ASB1: variants seen among roughly 807,000 people sequenced by gnomAD.
ASB1 encodes the protein ankyrin repeat and SOCS box containing 1.
ASB1 carries 18 observed loss-of-function variants against 27.7 expected under a neutral mutation model. That is an observed-to-expected ratio of 0.65 (90% confidence interval 0.45 to 0.96). The LOEUF (loss-of-function observed/expected upper bound fraction) is 0.96, where lower values mean the gene tolerates loss of function less well. Ranked by LOEUF, ASB1 falls within the 50% of genes least tolerant of loss-of-function variation. ASB1 has a pLI of 0.00. For missense variants in ASB1, 397 were observed against 451.7 expected (o/e 0.88, Z 1.10); for synonymous variants, 189 against 187.6 (o/e 1.01, Z -0.06).
At chr2:238,436,137 A>G (rs2106405334) in intron 3 of ASB1, 124 bp downstream of exon 3, 1 of 884,364 alleles carries the variant, frequency 1.1e-6, no homozygotes, top group African/African-American at 1.7e-5. Context: ...GGCCTTTGTA[A>G]AGAGCTGCCT....
chr2:238,435,571 C>G, intron 2 of ASB1, 140 bp from the exon 3 acceptor site: 1 of 849,750 alleles, frequency 1.2e-6, no homozygotes, highest in Non-Finnish European at 1.8e-6. Flanking sequence ...GGTGTGAGAG[C>G]ATTTCAGAAG....
chr2:238,432,753 CTTT>C (rs886702156), intron 1 of ASB1, among the ~76,000 whole-genome samples: 1 of 145,476 alleles, frequency 6.9e-6, no homozygotes. Flanking sequence ...TTTTCTTTTT[CTTT>C]TTTTTTTTGA....
At chr2:238,434,373 G>C (rs996413294) in intron 2 of ASB1, among the ~76,000 whole-genome samples, 1 of 152,178 alleles carries the variant, frequency 6.6e-6, no homozygotes, top group East Asian at 1.9e-4. Context: ...CGGGTCTAAG[G>C]TTGCAGTCCC....
At position 238,443,754 on chromosome 2, in the gene ASB1, T is replaced by TTC. The variant is rs397706882; in HGVS notation, c.495-588_495-587insTC. Among the ~76,000 whole-genome samples the TTC allele has an allele frequency of 2.6e-5, 4 of 152,144 alleles. 1 individual carries two copies. The South Asian group carries it at 6.2e-4, about 24-fold the overall frequency. ...TCATATGCCCACCTTTTTTTTTTTTTCTGCATCTGCAGAGATAATCAGAGG... is the reference window on the plus strand; with the variant it reads ...TCATATGCCCACCTTTTTTTTTTTTTTCCTGCATCTGCAGAGATAATCAGAGG... On this transcript the variant is annotated intron_variant, in intron 3 of 4. Transcript: ENST00000264607.
chr2:238,433,314 C>G, intron 1 of ASB1: 1 of 430,474 alleles, frequency 2.3e-6, no homozygotes. Flanking sequence ...TTTTTACAGA[C>G]AGGGTATTGC....
In ASB1 at chr2:238,435,767, G is replaced by A. The variant is rs780761258; in HGVS notation, c.248G>A (p.Arg83Gln). 4 of 1,614,062 alleles carry A rather than the reference G, an allele frequency of 2.5e-6. No individual in the cohort carries two copies. The highest frequency in any genetic ancestry group is 1.7e-5 in the Admixed American group (1 of 60,024). Residue 83 changes from arginine (R) to glutamine (Q), a missense_variant, in exon 3 of 5, where the codon CGA becomes CAA. Arg to Gln is a conservative substitution (Grantham distance 43). Transcript: ENST00000264607. ...CCGWLPCTPL[R>Q]IAATAGHGSC... is the part of the protein sequence containing the mutation. The stretch of plus-strand genomic sequence containing the variant: ...GGCTGGCTCCCCTGCACACCGTTGC[G>A]AATCGCGGCCACTGCAGGCCATGGG...
chr2:238,449,185 C>T lies in ASB1; in HGVS notation c.*2674C>T, dbSNP rs1702233743. 1 of 152,354 alleles carries T rather than the reference C, an allele frequency of 6.6e-6. No individual in the cohort carries two copies. The highest frequency in any genetic ancestry group is 1.5e-5 in the Non-Finnish European group (1 of 68,040). The allele number at this position is 152,354 out of a possible 1,614,324, so 9.4% of individuals were successfully genotyped here. A position where few individuals can be genotyped will look rare whatever the true frequency, so the allele number is the denominator to read the frequency against. Reference sequence around the variant, plus strand: ...TTCCTCCTGGGTTTTAGTGGCATTGCCTTCCTTCACTAAAGCTCCCTTTTT... The same window carrying T: ...TTCCTCCTGGGTTTTAGTGGCATTGTCTTCCTTCACTAAAGCTCCCTTTTT... On this transcript the variant is annotated 3_prime_UTR_variant, in exon 5 of 5. Coordinates refer to ENST00000264607, the MANE Select transcript of ASB1 (RefSeq NM_001040445.3).
intron 2 of ASB1, among the ~76,000 whole-genome samples, chr2:238,433,927 G>C (rs934342111): frequency 1.3e-5 from 2 of 152,144 alleles, no homozygotes; most frequent in African/African-American, 4.8e-5. Context: ...ATTAACCTTA[G>C]TGTTTTCTGG....
intron 3 of ASB1, among the ~76,000 whole-genome samples, chr2:238,436,484 AATT>A (rs200285549): frequency 2.6e-5 from 4 of 151,902 alleles, no homozygotes; most frequent in African/African-American, 7.3e-5. Context: ...GACGTAAAAA[AATT>A]ATTATTATTA....
At position 238,433,576 on chromosome 2, in the gene ASB1, G is replaced by A; in HGVS notation, c.72G>A (p.Leu24=). The change falls in exon 2 of 5, where the codon CTG becomes CTA. Residue 24 remains leucine (L), a synonymous_variant. Coordinates refer to ENST00000264607, the MANE Select transcript of ASB1 (RefSeq NM_001040445.3). ...GSAGRNLKEW[L]REQFCDHPLE... is the part of the protein sequence containing the mutation. ...CAGGTCGTAATCTGAAGGAGTGGCT[G>A]AGGGAGCAATTTTGTGATCATCCGC... The A allele has an allele frequency of 6.2e-7, 1 of 1,614,190 alleles. No homozygotes were observed. Among genetic ancestry groups the A allele is most frequent in the Non-Finnish European group, 8.5e-7 (1 of 1,180,030 alleles).
rs1030139488 is a variant in ASB1, at chr2:238,448,576, T to A, written c.*2065T>A. On this transcript the variant is annotated 3_prime_UTR_variant, in exon 5 of 5. Transcript: ENST00000264607. ...GCCATGTTGTAGACACATGATACGC[T>A]CTGCGTCTGCTCTACTGAGTACTTT... is the stretch of plus-strand genomic sequence containing the variant. 2.8e-4 allele frequency: 42 copies of A among 152,220 alleles called. No individual in the cohort carries two copies. The highest frequency in any genetic ancestry group is 7.5e-4 in the African/African-American group (31 of 41,456). 9.4% of individuals were successfully genotyped at this position (152,220 alleles called of 1,614,324 possible).
chr2:238,442,445 C>T lies in ASB1; in HGVS notation c.495-1897C>T, dbSNP rs1379427260. 2.0e-5 allele frequency among the ~76,000 whole-genome samples: 3 copies of T among 152,166 alleles called. No individual in the cohort carries two copies. The East Asian group carries it at 5.8e-4, about 29-fold the overall frequency. ...CTAATTTTTCTGTAGGGCTATTGAT[C>T]TTTTTCTTCTAGAAGCTCTTTATAC... On this transcript the variant is annotated intron_variant, in intron 3 of 4. Transcript: ENST00000264607.
In ASB1 at chr2:238,426,975, C is replaced by T; in HGVS notation, c.-96C>T. 9.9e-6 allele frequency: 10 copies of T among 1,008,478 alleles called. No homozygotes were observed. Among genetic ancestry groups the T allele is most frequent in the Non-Finnish European group, 1.3e-5 (10 of 786,798 alleles). 62.5% of individuals were successfully genotyped at this position (1,008,478 alleles called of 1,614,324 possible). ...GGAAGCCGCGACCCCGACGCGCCCC[C>T]CATTGCCCTCGGCGCCGGAAGTGGT... On this transcript the variant is annotated 5_prime_UTR_variant, in exon 1 of 5. Coordinates refer to ENST00000264607, the MANE Select transcript of ASB1 (RefSeq NM_001040445.3).
intron 1 of ASB1, among the ~76,000 whole-genome samples, chr2:238,430,885 C>T (rs1018511415): frequency 5.9e-5 from 9 of 152,218 alleles, no homozygotes; most frequent in African/African-American, 2.2e-4. Context: ...CAACATTGGG[C>T]TGAAAATATT....
rs549466759 is a variant in ASB1 at position 238,442,797 on chromosome 2, C to T, written c.495-1545C>T. Reference sequence around the variant, plus strand: ...TTACCCCAAAAAACACTTAGTAAAACATCTACACCCTCCCTTGTTTGAGAT... The same window carrying T: ...TTACCCCAAAAAACACTTAGTAAAATATCTACACCCTCCCTTGTTTGAGAT... On this transcript the variant is annotated intron_variant, in intron 3 of 4. Transcript: ENST00000264607. Among the ~76,000 whole-genome samples, 6 of 151,864 alleles carry T rather than the reference C, an allele frequency of 4.0e-5. No individual in the cohort carries two copies. In the East Asian group the frequency reaches 1.2e-3, roughly 29 times the overall value.
intron 3 of ASB1, among the ~76,000 whole-genome samples, chr2:238,441,687 G>A (rs945497794): frequency 2.3e-4 from 35 of 152,206 alleles, no homozygotes; most frequent in Admixed American, 2.2e-3. Flanking sequence ...ACAGCGTGGC[G>A]TTGTGCAGAT....
intron 3 of ASB1, among the ~76,000 whole-genome samples, chr2:238,439,487 T>G (rs1575005567): frequency 6.6e-6 from 1 of 152,158 alleles, no homozygotes. Context: ...GCGCTGTGAT[T>G]GCGGCATGGA....
rs749333203 is a variant in ASB1, at chr2:238,446,448, G to A, written c.945G>A (p.Arg315=). 7.4e-5 allele frequency: 120 copies of A among 1,613,988 alleles called. 1 individual carries two copies. Among genetic ancestry groups the A allele is most frequent in the Non-Finnish European group, 9.9e-5 (117 of 1,180,012 alleles). Residue 315 remains arginine (R), a synonymous_variant, in exon 5 of 5, where the codon CGG becomes CGA. Coordinates refer to ENST00000264607, the MANE Select transcript of ASB1 (RefSeq NM_001040445.3). ...VAVRRALGKH[R]LHLIPSLPLP... is the part of the protein sequence containing the mutation. ...TGAGAAGAGCTCTTGGCAAACACCGGCTTCATCTGATTCCTTCGCTGCCTC... is the reference window on the plus strand; with the variant it reads ...TGAGAAGAGCTCTTGGCAAACACCGACTTCATCTGATTCCTTCGCTGCCTC...
At chr2:238,445,554 G>C (rs940835463) in intron 4 of ASB1, among the ~76,000 whole-genome samples, 13 of 152,162 alleles carry the variant, frequency 8.5e-5, no homozygotes, top group Non-Finnish European at 1.9e-4. Flanking sequence ...CCAGAGATTG[G>C]AATTGATCCA....
Sources: gnomAD v4.1 joint callset for allele counts (sites outside exome capture counted in the v4.1 genomes callset) on GRCh38, gnomAD v4.1.1 for gene constraint, MANE v1.5 for transcripts, NCBI Gene and HGNC (gene_info 2026-07-23, HGNC 2026-07-21) for gene names.